FUT8: variants seen among roughly 807,000 people sequenced by gnomAD.
FUT8 encodes the protein alpha-(1,6)-fucosyltransferase.
In FUT8, 29 loss-of-function variants were observed where a neutral mutation model predicts 71.3. The ratio of observed to expected loss-of-function variants is 0.41; its 90% CI spans 0.30 to 0.55. The LOEUF is 0.55. Among genes scored for constraint, FUT8 ranks in the 20% least tolerant of loss-of-function variants. The pLI is 0.34. For synonymous variants in FUT8, 254 were observed against 239.3 expected (o/e 1.06, Z -0.57); for missense variants, 544 against 702.1 (o/e 0.77, Z 2.55).
At chr14:65,629,099 G>T (rs1490311429) in intron 5 of FUT8, among the ~76,000 whole-genome samples, 1 of 152,134 alleles carries the variant, frequency 6.6e-6, no homozygotes, top group Non-Finnish European at 1.5e-5. Flanking sequence ...AAAATTAAAA[G>T]GGGGCATGAA....
chr14:65,489,056 A>G lies in FUT8; in HGVS notation c.-228+33338A>G, dbSNP rs1303548190. 1.3e-5 allele frequency among the ~76,000 whole-genome samples: 2 copies of G among 152,208 alleles called. No homozygotes were observed. Among genetic ancestry groups the G allele is most frequent in the Non-Finnish European group, 2.9e-5 (2 of 68,022 alleles). The stretch of plus-strand genomic sequence containing the variant: ...ATGGTAAATGTGTCAGATATAGTCA[A>G]TATTTTAGTATTGTCATGTAGTATT... On this transcript the variant is annotated intron_variant, in intron 2 of 10. Transcript: ENST00000673929. The surrounding 1 kb of genome is among the most constrained non-coding windows in gnomAD (Gnocchi z 4.0).
intron 2 of FUT8, among the ~76,000 whole-genome samples, chr14:65,532,380 G>A (rs1187059122): frequency 3.9e-5 from 6 of 152,238 alleles, no homozygotes; most frequent in African/African-American, 1.4e-4. Context: ...TAGTGATGTT[G>A]AGTGTTGATC....
intron 2 of FUT8, among the ~76,000 whole-genome samples, chr14:65,480,970 A>T (rs2066321792): frequency 6.6e-6 from 1 of 152,124 alleles, no homozygotes; most frequent in South Asian, 2.1e-4. Flanking sequence ...AATTATAGGC[A>T]TGACCATCGT....
In FUT8 at chr14:65,415,464, A is replaced by AC. The variant is rs572736432; in HGVS notation, c.-326+2250_-326+2251insC. On this transcript the variant is annotated intron_variant, in intron 1 of 10. Coordinates refer to ENST00000673929, the MANE Select transcript of FUT8 (RefSeq NM_001371533.1). ...ATCTCTAAAATGTACCCCCAAACTT[A>AC]GAGTATGTTATAGTATTTTCTTAAC... Among the ~76,000 whole-genome samples, 26 of 152,316 alleles carry AC rather than the reference A, an allele frequency of 1.7e-4. No individual in the cohort carries two copies. In the South Asian group the frequency reaches 5.4e-3, roughly 32 times the overall value.
chr14:65,577,157 A>T (rs1219534238), intron 3 of FUT8, among the ~76,000 whole-genome samples: 1 of 152,068 alleles, frequency 6.6e-6, no homozygotes, highest in Non-Finnish European at 1.5e-5. Context: ...GTCTTACTAT[A>T]AATCTTTATA....
chr14:65,454,764 C>T (rs948862112), intron 1 of FUT8, among the ~76,000 whole-genome samples: 4 of 152,138 alleles, frequency 2.6e-5, no homozygotes, highest in African/African-American at 9.7e-5. Flanking sequence ...TGGTGACTTG[C>T]GCATACTACA....
rs1017243084 is a variant in FUT8, at chr14:65,413,758, G to T, written c.-326+544G>T. Among the ~76,000 whole-genome samples, 1 of 152,208 alleles carries T rather than the reference G, an allele frequency of 6.6e-6. No homozygotes were observed. The highest frequency in any genetic ancestry group is 1.5e-5 in the Non-Finnish European group (1 of 68,040). The stretch of plus-strand genomic sequence containing the variant: ...GGCAGTTAAAGGCTTGAGTGCAGCT[G>T]TACTCCCTTTTGATGTGCAAATGAC... On this transcript the variant is annotated intron_variant, in intron 1 of 10. Transcript: ENST00000673929. The surrounding 1 kb of genome is among the most constrained non-coding windows in gnomAD (Gnocchi z 4.1).
chr14:65,670,099 A>G (rs865994291), intron 7 of FUT8, among the ~76,000 whole-genome samples: 8 of 152,240 alleles, frequency 5.3e-5, no homozygotes, highest in Non-Finnish European at 8.8e-5. Context: ...TGACTAAGGT[A>G]CTATACTAGG....
intron 2 of FUT8, among the ~76,000 whole-genome samples, chr14:65,528,507 G>A (rs905816827): frequency 2.0e-5 from 3 of 152,184 alleles, no homozygotes; most frequent in African/African-American, 7.2e-5. Flanking sequence ...CAGGTGAAGC[G>A]ATGCCTCACC....
chr14:65,632,090 C>T (rs1223645158), intron 6 of FUT8, among the ~76,000 whole-genome samples: 4 of 152,166 alleles, frequency 2.6e-5, no homozygotes, highest in Non-Finnish European at 2.9e-5. Context: ...TATACACATA[C>T]ATATACATAT....
At chr14:65,597,620 C>G (rs987496446) in intron 3 of FUT8, among the ~76,000 whole-genome samples, 57 of 85,246 alleles carry the variant, frequency 6.7e-4, no homozygotes, top group African/African-American at 2.5e-3. Context: ...GAGACTCTGT[C>G]TAAAAAAAAA....
intron 1 of FUT8, among the ~76,000 whole-genome samples, chr14:65,426,141 C>T (rs1450116978): frequency 1.3e-5 from 2 of 152,086 alleles, no homozygotes; most frequent in Non-Finnish European, 2.9e-5. Flanking sequence ...TGGCAACCAC[C>T]ATTCTGTTCT....
intron 9 of FUT8, among the ~76,000 whole-genome samples, chr14:65,729,620 T>G (rs947455395): frequency 1.3e-4 from 20 of 151,736 alleles, no homozygotes; most frequent in African/African-American, 4.4e-4. Flanking sequence ...GGCTCAATGA[T>G]CCTCCCACCT....
intron 3 of FUT8, among the ~76,000 whole-genome samples, chr14:65,586,303 AT>A (rs1887377453): frequency 6.6e-6 from 1 of 152,214 alleles, no homozygotes; most frequent in Admixed American, 6.5e-5. Flanking sequence ...GAATGTAGCA[AT>A]CTTTTTACAT....
intron 7 of FUT8, among the ~76,000 whole-genome samples, chr14:65,692,839 C>G (rs1448703353): frequency 2.0e-5 from 3 of 150,698 alleles, no homozygotes; most frequent in East Asian, 3.9e-4. Context: ...GGGTCACGGC[C>G]GGGCAGAGGC....
At chr14:65,631,075 C>T (rs1291542729) in intron 6 of FUT8, among the ~76,000 whole-genome samples, 4 of 152,234 alleles carry the variant, frequency 2.6e-5, no homozygotes, top group Admixed American at 6.5e-5. Flanking sequence ...ATCTTGGTCT[C>T]ATACCCACAT....
intron 6 of FUT8, among the ~76,000 whole-genome samples, chr14:65,630,927 T>C (rs1372471449): frequency 6.6e-6 from 1 of 152,212 alleles, no homozygotes; most frequent in African/African-American, 2.4e-5. Flanking sequence ...AATTAAAGTA[T>C]TGTATAAAAG....
At chr14:65,528,645 C>T (rs1339226542) in intron 2 of FUT8, among the ~76,000 whole-genome samples, 2 of 152,148 alleles carry the variant, frequency 1.3e-5, no homozygotes, top group Admixed American at 6.5e-5. Context: ...GTCGCTCAGG[C>T]TGGGAGCTAT....
chr14:65,440,931 A>C (rs2065644907), intron 1 of FUT8, among the ~76,000 whole-genome samples: 1 of 152,148 alleles, frequency 6.6e-6, no homozygotes, highest in South Asian at 2.1e-4. Flanking sequence ...AAACTTCCTT[A>C]CCTCTGCAAC....
Sources: gnomAD v4.1 joint callset for allele counts (sites outside exome capture counted in the v4.1 genomes callset) on GRCh38, gnomAD v4.1.1 for gene constraint, Gnocchi (gnomAD v3.1) non-coding constraint, MANE v1.5 for transcripts, NCBI Gene and HGNC (gene_info 2026-07-23, HGNC 2026-07-21) for gene names.